Variants in YIF1A observed in about 807,000 individuals in gnomAD.
The protein encoded by YIF1A is Yip1 interacting factor homolog A, membrane trafficking protein.
YIF1A carries 28 observed loss-of-function variants against 32.6 expected under a neutral mutation model. That is an observed-to-expected ratio of 0.86 (90% CI 0.64 to 1.18). The LOEUF (loss-of-function observed/expected upper bound fraction) is 1.18. Among genes scored for constraint, YIF1A ranks in the 50% most tolerant of loss-of-function variants. YIF1A has a pLI of 0.00. For missense variants in YIF1A, 373 were observed against 390.8 expected, an observed-to-expected ratio of 0.95 and a Z score of 0.38; for synonymous variants, 175 against 162.2, an observed-to-expected ratio of 1.08 and a Z score of -0.60.
At position 66,288,398 on chromosome 11, in the gene YIF1A, G is replaced by C. The variant is rs957496722; in HGVS notation, c.32-106C>G. The stretch of plus-strand genomic sequence containing the variant: ...GCCCTGCACGGGTCCTGGAGGCACC[G>C]ATCAGTGAGGGGACCCCAAGCTGGG... On this transcript the variant is annotated intron_variant, in intron 1 of 7. Transcript: ENST00000376901. The C allele has an allele frequency of 1.8e-4, 235 of 1,341,922 alleles. 2 individuals are homozygous for C. In the Admixed American group the frequency reaches 4.3e-3, roughly 24 times the overall value. 83.1% of individuals were successfully genotyped at this position (1,341,922 alleles called of 1,614,324 possible).
intron 1 of YIF1A, 135 bp from the exon 2 acceptor site, chr11:66,288,427 G>T (rs967021892): frequency 2.0e-6 from 2 of 981,328 alleles, no homozygotes; most frequent in East Asian, 4.9e-5. Flanking sequence ...AGCTGGGTGA[G>T]GGGGAGCTAA....
chr11:66,288,884 C>A (rs903283138), intron 1 of YIF1A, 71 bp downstream of exon 1: 6 of 1,422,894 alleles, frequency 4.2e-6, no homozygotes, highest in Non-Finnish European at 5.5e-6. Context: ...CTATCTCCCT[C>A]GGGGTGAGCG....
chr11:66,285,873 G>A (rs1312096661), intron 4 of YIF1A, 115 bp from the exon 5 acceptor site: 1 of 1,177,594 alleles, frequency 8.5e-7, no homozygotes, highest in Admixed American at 2.1e-5. Context: ...GCCCAGCATG[G>A]CCTGACCTCC....
Position 66,284,800 on chromosome 11 carries a change from C to G in YIF1A, c.736-17G>C. 1.2e-6 allele frequency: 2 copies of G among 1,611,408 alleles called. No homozygotes were observed. Among genetic ancestry groups the G allele is most frequent in the Non-Finnish European group, 1.7e-6 (2 of 1,179,110 alleles). ...AGAGCGCACCTGGAAGAAAGGAGAA[C>G]TGAAGCCTGGCCAGGAGGGGGAGGT... On this transcript the variant is annotated splice_polypyrimidine_tract_variant and intron_variant, in intron 7 of 7. Coordinates refer to ENST00000376901, the MANE Select transcript of YIF1A (RefSeq NM_020470.3).
intron 6 of YIF1A, 34 bp from the exon 7 acceptor site, chr11:66,285,000 C>T (rs1340558649): frequency 6.2e-7 from 1 of 1,609,638 alleles, no homozygotes; most frequent in Non-Finnish European, 8.5e-7. Flanking sequence ...TTGGTGACCC[C>T]CAGGGGTCTA....
Position 66,289,139 on chromosome 11 carries a change from G to A in YIF1A, c.-154C>T, listed in dbSNP as rs1044959529. On this transcript the variant is annotated 5_prime_UTR_variant, in exon 1 of 8. Coordinates refer to ENST00000376901, the MANE Select transcript of YIF1A (RefSeq NM_020470.3). ...GCCGGTCTCGGCCACCATGTCCGTG[G>A]CGTCATCCCCCGCGCCTGCCATTGG... 4 of 1,192,328 alleles carry A rather than the reference G, an allele frequency of 3.4e-6. No individual in the cohort carries two copies. Among genetic ancestry groups the A allele is most frequent in the African/African-American group, 3.2e-5 (2 of 61,782 alleles). The allele number at this position is 1,192,328 out of a possible 1,614,324, so 73.9% of individuals were successfully genotyped here.
chr11:66,287,333 T>A (rs1857371261), intron 4 of YIF1A: 1 of 498,094 alleles, frequency 2.0e-6, no homozygotes, highest in South Asian at 2.4e-5. Context: ...AACCCAGAGC[T>A]CCAGGCTGGG....
Position 66,285,540 on chromosome 11 carries a change from C to A in YIF1A, c.486-4G>T. ...GCCCAGCACCTCCGGGGAGAACCTG[C>A]GCCAAAGCAGGGGTGGCTCAGAGCC... On this transcript the variant is annotated splice_polypyrimidine_tract_variant and splice_region_variant and intron_variant, in intron 5 of 7. Transcript: ENST00000376901. 6.2e-7 allele frequency: 1 copy of A among 1,612,802 alleles called. No individual in the cohort carries two copies. The highest frequency in any genetic ancestry group is 8.5e-7 in the Non-Finnish European group (1 of 1,179,966).
At chr11:66,284,812 C>T (rs1338239808) in intron 7 of YIF1A, 29 bp from the exon 8 acceptor site, 2 of 1,611,502 alleles carry the variant, frequency 1.2e-6, no homozygotes, top group South Asian at 2.2e-5. Context: ...GAAGCCTGGC[C>T]AGGAGGGGGA....
intron 4 of YIF1A, 178 bp downstream of exon 4, chr11:66,287,420 G>T: frequency 1.4e-6 from 1 of 690,388 alleles, no homozygotes; most frequent in Non-Finnish European, 2.5e-6. Flanking sequence ...CATTCAGGAA[G>T]CTCCTTACTG....
In YIF1A at chr11:66,284,697, C is replaced by G; in HGVS notation, c.822G>C (p.Leu274=). 6.2e-7 allele frequency: 1 copy of G among 1,612,748 alleles called. No individual in the cohort carries two copies. The highest frequency in any genetic ancestry group is 1.7e-4 in the Middle Eastern group (1 of 6,050). The stretch of plus-strand genomic sequence containing the variant: ...TGAGGGGCTGGAAGGCTGCAGCTCC[C>G]AGAGTCAGGTAGAGCTGGAGACGCT... The part of the protein sequence containing the change: ...PRQRLQLYLT[L]GAAAFQPLII... Residue 274 remains leucine, a synonymous_variant, in exon 8 of 8, where the codon CTG becomes CTC. Coordinates refer to ENST00000376901, the MANE Select transcript of YIF1A (RefSeq NM_020470.3).
At position 66,288,246 on chromosome 11, in the gene YIF1A, G is replaced by A. The variant is rs375220228; in HGVS notation, c.78C>T (p.Phe26=). 4.3e-6 allele frequency: 7 copies of A among 1,613,982 alleles called. No individual in the cohort carries two copies. In the Admixed American group the frequency reaches 1.2e-4, roughly 27 times the overall value. Residue 26 remains phenylalanine (F), a synonymous_variant, in exon 2 of 8, where the codon TTC becomes TTT. Coordinates refer to ENST00000376901, the MANE Select transcript of YIF1A (RefSeq NM_020470.3). ...TGGAATAACCACCGCTTGTGTCATC[G>A]AAGAGGGGAGGGGGATCCGGGGCTG... The part of the protein sequence containing the change: ...ARAAPDPPPL[F]DDTSGGYSSQ...
rs768888878 is a variant in YIF1A, at chr11:66,285,377, T to C, written c.641+4A>G. 1.2e-6 allele frequency: 2 copies of C among 1,609,382 alleles called. No individual in the cohort carries two copies. Among genetic ancestry groups the C allele is most frequent in the South Asian group, 2.2e-5 (2 of 90,984 alleles). On this transcript the variant is annotated splice_donor_region_variant and intron_variant, in intron 6 of 7. Coordinates refer to ENST00000376901, the MANE Select transcript of YIF1A (RefSeq NM_020470.3). ...CCACCTCCCCCTGGCCCACAAGTGC[T>C]CACCCCACGTATTTGTAGCCACTGT...
chr11:66,288,992 G>T lies in YIF1A; in HGVS notation c.-7C>A, dbSNP rs1424548666. 10 of 1,578,384 alleles carry T rather than the reference G, an allele frequency of 6.3e-6. No homozygotes were observed. The highest frequency in any genetic ancestry group is 2.3e-5 in the South Asian group (2 of 87,500). On this transcript the variant is annotated 5_prime_UTR_variant, in exon 1 of 8. Transcript: ENST00000376901. Reference sequence around the variant, plus strand: ...AGCCCGAGTGATAAGCCATGGCCGCGACGCTCGCTGTCCCCGAGGGCCCGC... The same window carrying T: ...AGCCCGAGTGATAAGCCATGGCCGCTACGCTCGCTGTCCCCGAGGGCCCGC...
rs1278008622 is a variant in YIF1A, at chr11:66,284,622, T to C, written c.*15A>G. The C allele has an allele frequency of 6.2e-7, 1 of 1,612,054 alleles. No homozygotes were observed. On this transcript the variant is annotated 3_prime_UTR_variant, in exon 8 of 8. Coordinates refer to ENST00000376901, the MANE Select transcript of YIF1A (RefSeq NM_020470.3). ...TCAATGAATGAAAAACTCAGTGCCA[T>C]CTGGGGCCAGGGGGTCACCGGACCA...
chr11:66,287,795 C>G lies in YIF1A; in HGVS notation c.348+17G>C. 4 of 1,613,430 alleles carry G rather than the reference C, an allele frequency of 2.5e-6. No individual in the cohort carries two copies. Among genetic ancestry groups the G allele is most frequent in the Non-Finnish European group, 3.4e-6 (4 of 1,179,458 alleles). Reference sequence around the variant, plus strand: ...AGAATGAGGAAGGCCCACCAGCTCCCTTGGTAGGAAGCTCACCTGGTGTGT... The same window carrying G: ...AGAATGAGGAAGGCCCACCAGCTCCGTTGGTAGGAAGCTCACCTGGTGTGT... On this transcript the variant is annotated intron_variant, in intron 3 of 7. Coordinates refer to ENST00000376901, the MANE Select transcript of YIF1A (RefSeq NM_020470.3).
In YIF1A at chr11:66,287,699, C is replaced by T. The variant is rs368050714; in HGVS notation, c.349-23G>A. ...GTTCTGGCAGTGGCAGTGGCAGCAG[C>T]GGCCACATCAGGAGGGGAAGAAGAG... On this transcript the variant is annotated intron_variant, in intron 3 of 7. Coordinates refer to ENST00000376901, the MANE Select transcript of YIF1A (RefSeq NM_020470.3). 8.2e-4 allele frequency: 1,325 copies of T among 1,611,062 alleles called. 1 individual carries two copies. Among genetic ancestry groups the T allele is most frequent in the Non-Finnish European group, 1.0e-3 (1,203 of 1,178,230 alleles).
rs1299342034 is a variant in YIF1A, at chr11:66,284,764, G to A, written c.755C>T (p.Ala252Val). Residue 252 changes from alanine (A) to valine (V), a missense_variant, in exon 8 of 8, where the codon GCA becomes GTA. Transcript: ENST00000376901. Reference sequence around the variant, plus strand: ...CCCCATGCTGTCGGGGCCCAGGGCTGCTGTCCGCAAAGAGCGCACCTGGAA... The same window carrying A: ...CCCCATGCTGTCGGGGCCCAGGGCTACTGTCCGCAAAGAGCGCACCTGGAA... ...MYFIVRSLRT[A>V]ALGPDSMGGP... 1 of 1,611,824 alleles carries A rather than the reference G, an allele frequency of 6.2e-7. No homozygotes were observed. The highest frequency in any genetic ancestry group is 8.5e-7 in the Non-Finnish European group (1 of 1,179,480).
chr11:66,285,235 G>A, intron 6 of YIF1A, 146 bp downstream of exon 6: 1 of 1,263,972 alleles, frequency 7.9e-7, no homozygotes, highest in South Asian at 1.4e-5. Context: ...CAGATCCTCA[G>A]GAGACTGCTG....
Sources: allele counts gnomAD v4.1 joint callset, GRCh38; gene constraint gnomAD v4.1.1; transcripts MANE v1.5; gene names NCBI Gene and HGNC (gene_info 2026-07-23, HGNC 2026-07-21).